The following GPRC6A variants were observed in gnomAD, a reference collection of about 807,000 sequenced individuals.
GPRC6A encodes G protein-coupled receptor family C group 6 member A.
A neutral mutation model predicts 47.0 loss-of-function variants in GPRC6A; 54 were observed. The ratio of observed to expected loss-of-function variants is 1.15; its 90% CI spans 0.92 to 1.44. GPRC6A has a LOEUF of 1.44. Among genes scored for constraint, GPRC6A ranks in the 40% most tolerant of loss-of-function variants. The pLI is 0.00. For missense variants in GPRC6A, 1,112 were observed against 1,105.5 expected (o/e 1.01, Z -0.08); for synonymous variants, 347 against 377.1 (o/e 0.92, Z 0.93).
chr6:116,819,069 T>C (rs956766912), intron 1 of GPRC6A, among the ~76,000 whole-genome samples: 55 of 152,142 alleles, frequency 3.6e-4, no homozygotes, highest in African/African-American at 1.3e-3. Flanking sequence ...TAGTCTCTGA[T>C]AAAACAGACT....
chr6:116,800,828 A>G (rs1465549982), intron 3 of GPRC6A, 32 bp from the exon 4 acceptor site: 2 of 1,346,590 alleles, frequency 1.5e-6, no homozygotes, highest in Non-Finnish European at 2.1e-6. Context: ...ATAAGCACTT[A>G]ATATAAATGT....
intron 1 of GPRC6A, among the ~76,000 whole-genome samples, chr6:116,824,065 C>G (rs1773596138): frequency 6.6e-6 from 1 of 151,860 alleles, no homozygotes; most frequent in African/African-American, 2.4e-5. Flanking sequence ...CAAACCATAT[C>G]AATAACATAC....
chr6:116,792,759 A>G lies in GPRC6A; in HGVS notation c.2164T>C (p.Trp722Arg). 1 of 1,614,024 alleles carries G rather than the reference A, an allele frequency of 6.2e-7. No homozygotes were observed. The highest frequency in any genetic ancestry group is 1.1e-5 in the South Asian group (1 of 91,072). ...ACAGTAGGTGCTGCAAAGATTAGCC[A>G]GAGTGTGCAAATGACAACCTGGATG... ...TGIQVVICTL[W>R]LIFAAPTVEV... is the part of the protein sequence containing the mutation. Residue 722 changes from tryptophan to arginine, a missense_variant, in exon 6 of 6, where the codon TGG becomes CGG. Transcript: ENST00000310357.
At chr6:116,816,998 A>T (rs12211764) in intron 1 of GPRC6A, among the ~76,000 whole-genome samples, 45,510 of 151,950 alleles carry the variant, frequency 0.3, 7,543 homozygotes, top group East Asian at 0.52. Flanking sequence ...TTAGGTAAAC[A>T]AAGCAGCCGG....
chr6:116,821,287 A>C (rs1472736399), intron 1 of GPRC6A, among the ~76,000 whole-genome samples: 1 of 152,164 alleles, frequency 6.6e-6, no homozygotes, highest in Non-Finnish European at 1.5e-5. Flanking sequence ...ATACTGCCCA[A>C]GGTAATTTAC....
At chr6:116,800,281 C>G (rs1053552106) in intron 4 of GPRC6A, among the ~76,000 whole-genome samples, 1 of 136,680 alleles carries the variant, frequency 7.3e-6, no homozygotes, top group Non-Finnish European at 1.6e-5. Context: ...TCCCTCCCTC[C>G]CTTCCTTCCT....
Position 116,792,540 on chromosome 6 carries a change from A to G in GPRC6A, c.2383T>C (p.Trp795Arg). Residue 795 changes from tryptophan (W) to arginine (R), a missense_variant, in exon 6 of 6, where the codon TGG (tryptophan) becomes CGG (arginine). Coordinates refer to ENST00000310357, the MANE Select transcript of GPRC6A (RefSeq NM_148963.4). ...TFGMLIYFIA[W>R]ITFIPIYATT... ...GCATAGATAGGGATGAATGTGATCC[A>G]AGCTATGAAGTAAATGAGCATGCCA... 1 of 1,613,466 alleles carries G rather than the reference A, an allele frequency of 6.2e-7. No individual in the cohort carries two copies. The highest frequency in any genetic ancestry group is 1.7e-4 in the Middle Eastern group (1 of 6,052).
Position 116,820,824 on chromosome 6 carries a change from C to G in GPRC6A, c.194+7996G>C, listed in dbSNP as rs1340141098. On this transcript the variant is annotated intron_variant, in intron 1 of 5. Transcript: ENST00000310357. ...AAGACAGGGATGCCCTCTCTCACCA[C>G]TCCTATTCAACGTAGTGTTGGAAGT... is the stretch of plus-strand genomic sequence containing the variant. Among the ~76,000 whole-genome samples, 13 of 149,294 alleles carry G rather than the reference C, an allele frequency of 8.7e-5. No individual in the cohort carries two copies. The South Asian group carries it at 2.5e-3, about 29-fold the overall frequency.
intron 1 of GPRC6A, among the ~76,000 whole-genome samples, chr6:116,818,392 G>A (rs1223932431): frequency 6.8e-6 from 1 of 147,702 alleles, no homozygotes; most frequent in African/African-American, 2.5e-5. Context: ...AAATTAGCCG[G>A]GCGTAGTGGC....
At chr6:116,804,867 C>G (rs185554977) in intron 3 of GPRC6A, among the ~76,000 whole-genome samples, 1 of 152,140 alleles carries the variant, frequency 6.6e-6, no homozygotes, top group African/African-American at 2.4e-5. Flanking sequence ...CACTTTATGT[C>G]ATCTGTCTCC....
At chr6:116,808,997 C>G (rs556122474) in intron 2 of GPRC6A, among the ~76,000 whole-genome samples, 11 of 152,308 alleles carry the variant, frequency 7.2e-5, no homozygotes, top group Admixed American at 6.5e-4. Context: ...CTTTGCCTGT[C>G]TCTACAAAAG....
At chr6:116,811,460 A>G (rs1414667385) in intron 1 of GPRC6A, among the ~76,000 whole-genome samples, 1 of 151,674 alleles carries the variant, frequency 6.6e-6, no homozygotes, top group African/African-American at 2.4e-5. Flanking sequence ...AAAAAAATGT[A>G]AATAAATTTT....
At chr6:116,820,637 A>G (rs368130024) in intron 1 of GPRC6A, among the ~76,000 whole-genome samples, 3 of 150,898 alleles carry the variant, frequency 2.0e-5, no homozygotes, top group African/African-American at 7.3e-5. Context: ...ATGCAGAAAA[A>G]GCCTTTGACA....
At chr6:116,809,670 T>C in intron 1 of GPRC6A, 53 bp from the exon 2 acceptor site, 1 of 1,290,524 alleles carries the variant, frequency 7.7e-7, no homozygotes, top group South Asian at 1.3e-5. Context: ...TCTATGGACA[T>C]GGCTGTATCT....
chr6:116,821,393 C>G (rs1773470612), intron 1 of GPRC6A, among the ~76,000 whole-genome samples: 1 of 152,068 alleles, frequency 6.6e-6, no homozygotes, highest in African/African-American at 2.4e-5. Flanking sequence ...AAAGAGCCCG[C>G]ATCGCCAAGT....
At chr6:116,794,675 C>G (rs1008522893) in intron 5 of GPRC6A, among the ~76,000 whole-genome samples, 6 of 152,106 alleles carry the variant, frequency 3.9e-5, no homozygotes, top group African/African-American at 1.4e-4. Context: ...AACTCCCTCG[C>G]TAATTATCTA....
chr6:116,827,096 A>G (rs35853302), intron 1 of GPRC6A, among the ~76,000 whole-genome samples: 22,399 of 151,828 alleles, frequency 0.15, 2,092 homozygotes, highest in East Asian at 0.27. Flanking sequence ...GTTAGTGGGT[A>G]TAAACATATA....
rs1218468203 is a variant in GPRC6A, at chr6:116,793,204, AG to A, written c.1718del (p.Pro573LeufsTer26). On this transcript the variant is annotated frameshift_variant, in exon 6 of 6. Coordinates refer to ENST00000310357, the MANE Select transcript of GPRC6A (RefSeq NM_148963.4). LOFTEE classifies it low-confidence loss of function (END_TRUNC). Reference protein sequence around the residue: ...LLCNNKTHWAPVRSTMCFEKE... With the variant: ...LLCNNKTHWAXVRSTMCFEKE... The stretch of plus-strand genomic sequence containing the variant: ...TTTCAAAGCACATAGTGCTCCTAAC[AG>A]GGGCCCAGTGAGTTTTGTTGTTGCA... 1.2e-6 allele frequency: 2 copies of A among 1,607,876 alleles called. No individual in the cohort carries two copies. Among genetic ancestry groups the A allele is most frequent in the Non-Finnish European group, 1.7e-6 (2 of 1,177,120 alleles).
chr6:116,818,532 T>TCAAAAAAAAAAAAAAAAAAAAA lies in GPRC6A; in HGVS notation c.195-8916_195-8915insTTTTTTTTTTTTTTTTTTTTTG, dbSNP rs1554263527. ...CTGGGCGACAGAGCGAGACTCCGTC[T>TCAAAAAAAAAAAAAAAAAAAAA]AAAAAAAAAAAAAAAAAAAAAAAAA... On this transcript the variant is annotated intron_variant, in intron 1 of 5. Coordinates refer to ENST00000310357, the MANE Select transcript of GPRC6A (RefSeq NM_148963.4). Among the ~76,000 whole-genome samples, 6 of 15,508 alleles carry TCAAAAAAAAAAAAAAAAAAAAA rather than the reference T, an allele frequency of 3.9e-4. 3 individuals carry two copies. Among genetic ancestry groups the TCAAAAAAAAAAAAAAAAAAAAA allele is most frequent in the Non-Finnish European group, 1.0e-3 (6 of 5,892 alleles). 10.2% of individuals were successfully genotyped at this position (15,508 alleles called of 152,430 possible).
Sources: allele counts gnomAD v4.1 joint callset (sites outside exome capture counted in the v4.1 genomes callset), GRCh38; gene constraint gnomAD v4.1.1; transcripts MANE v1.5; gene names NCBI Gene and HGNC (gene_info 2026-07-23, HGNC 2026-07-21).